The following CCDC102B variants were observed in gnomAD, a reference collection of about 807,000 sequenced individuals.
CCDC102B encodes coiled-coil domain-containing protein 102B.
CCDC102B carries 75 observed loss-of-function variants against 57.4 expected under a neutral mutation model. The observed-to-expected ratio is 1.31, with a 90% CI of 1.08 to 1.58. The LOEUF (loss-of-function observed/expected upper bound fraction) is 1.58, where lower values mean the gene tolerates loss of function less well. CCDC102B is among the 40% of genes most tolerant of loss of function. The pLI is 0.00. For synonymous variants in CCDC102B, 206 were observed against 201.9 expected (o/e 1.02, Z -0.17); for missense variants, 636 against 582.6 (o/e 1.09, Z -0.94).
At chr18:68,765,719 G>T (rs1305581430) in intron 2 of CCDC102B, among the ~76,000 whole-genome samples, 1 of 152,150 alleles carries the variant, frequency 6.6e-6, no homozygotes, top group Non-Finnish European at 1.5e-5. Context: ...GGTGATTTGT[G>T]TACAGGGTTA....
chr18:68,834,421 A>G (rs905486277), intron 1 of CCDC102B, among the ~76,000 whole-genome samples: 2 of 104,742 alleles, frequency 1.9e-5, no homozygotes, highest in Non-Finnish European at 1.9e-5. Flanking sequence ...ATGTAGTTGT[A>G]TATGTAAATA....
chr18:68,897,359 T>C lies in CCDC102B; in HGVS notation c.1194T>C (p.Asn398=). The C allele has an allele frequency of 1.9e-6, 3 of 1,612,854 alleles. No individual in the cohort carries two copies. The highest frequency in any genetic ancestry group is 2.5e-6 in the Non-Finnish European group (3 of 1,179,244). Reference sequence around the variant, plus strand: ...TGGAAGAGCTTTTGGATAAGAAAAATAGATTAAGTGCAAACTCTCAAAGTC... The same window carrying C: ...TGGAAGAGCTTTTGGATAAGAAAAACAGATTAAGTGCAAACTCTCAAAGTC... ...KEMEELLDKK[N]RLSANSQSPD... is the part of the protein sequence containing the mutation. Residue 398 remains asparagine, a synonymous_variant, in exon 6 of 8, where the codon AAT becomes AAC. Coordinates refer to ENST00000360242, the MANE Select transcript of CCDC102B (RefSeq NM_024781.3).
At chr18:68,997,552 A>G (rs2051064264) in intron 6 of CCDC102B, among the ~76,000 whole-genome samples, 1 of 152,184 alleles carries the variant, frequency 6.6e-6, no homozygotes. Flanking sequence ...CATGTCAAGT[A>G]GACAGCTTGA....
chr18:68,777,504 G>T (rs2034862200), intron 2 of CCDC102B, among the ~76,000 whole-genome samples: 1 of 152,044 alleles, frequency 6.6e-6, no homozygotes, highest in South Asian at 2.1e-4. Context: ...ACTTCATGTT[G>T]GGCCTAATAA....
chr18:68,973,316 A>G (rs550799315), intron 6 of CCDC102B, among the ~76,000 whole-genome samples: 2 of 152,284 alleles, frequency 1.3e-5, no homozygotes, highest in African/African-American at 4.8e-5. Context: ...AGAATCAAAT[A>G]TGATTCAGGG....
intron 7 of CCDC102B, among the ~76,000 whole-genome samples, chr18:69,035,327 C>T (rs917846682): frequency 2.0e-5 from 3 of 151,874 alleles, no homozygotes; most frequent in Non-Finnish European, 4.4e-5. Flanking sequence ...GTAAGCAGTT[C>T]CATGAAAATG....
At chr18:68,833,860 A>C (rs185829743) in intron 1 of CCDC102B, among the ~76,000 whole-genome samples, 1 of 152,142 alleles carries the variant, frequency 6.6e-6, no homozygotes, top group Non-Finnish European at 1.5e-5. Context: ...TTGTATGAGC[A>C]TTTTTACAAT....
At chr18:68,989,471 T>G (rs2050807429) in intron 6 of CCDC102B, among the ~76,000 whole-genome samples, 1 of 152,232 alleles carries the variant, frequency 6.6e-6, no homozygotes, top group African/African-American at 2.4e-5. Context: ...GAACAAGTTA[T>G]TTTTCTTTCA....
At chr18:68,945,869 C>T (rs565195073) in intron 6 of CCDC102B, among the ~76,000 whole-genome samples, 2 of 152,062 alleles carry the variant, frequency 1.3e-5, no homozygotes, top group Non-Finnish European at 2.9e-5. Flanking sequence ...GTTGACCTTG[C>T]ACACTACTGG....
At chr18:68,722,895 CA>C (rs2032414268) in intron 2 of CCDC102B, among the ~76,000 whole-genome samples, 1 of 146,952 alleles carries the variant, frequency 6.8e-6, no homozygotes, top group South Asian at 2.2e-4. Flanking sequence ...TTTCTTTTTG[CA>C]ACCTTTTTTT....
At chr18:68,722,899 CTTT>C (rs370512490) in intron 2 of CCDC102B, among the ~76,000 whole-genome samples, 16 of 131,778 alleles carry the variant, frequency 1.2e-4, no homozygotes, top group Admixed American at 2.3e-4. Context: ...TTTTTGCAAC[CTTT>C]TTTTTTTTTT....
intron 6 of CCDC102B, among the ~76,000 whole-genome samples, chr18:68,912,491 G>A (rs2040910159): frequency 6.6e-6 from 1 of 152,150 alleles, no homozygotes; most frequent in African/African-American, 2.4e-5. Context: ...TGTGGGGCCT[G>A]GAAATCTGTT....
intron 2 of CCDC102B, among the ~76,000 whole-genome samples, chr18:68,751,898 C>A (rs1051704041): frequency 6.6e-6 from 1 of 152,114 alleles, no homozygotes; most frequent in African/African-American, 2.4e-5. Context: ...AAACCCATTT[C>A]TTGATGCATA....
At chr18:68,882,055 A>C (rs1422436835) in intron 5 of CCDC102B, among the ~76,000 whole-genome samples, 2 of 152,242 alleles carry the variant, frequency 1.3e-5, no homozygotes, top group Non-Finnish European at 2.9e-5. Flanking sequence ...TATGTTAAAA[A>C]TATTTTAACT....
At chr18:69,018,696 G>GA (rs2051740299) in intron 7 of CCDC102B, among the ~76,000 whole-genome samples, 7 of 151,946 alleles carry the variant, frequency 4.6e-5, no homozygotes, top group Admixed American at 4.6e-4. Context: ...TATATGGCTT[G>GA]AAAAATGTTT....
At chr18:68,807,749 A>G (rs2036084845) in intron 1 of CCDC102B, among the ~76,000 whole-genome samples, 1 of 152,170 alleles carries the variant, frequency 6.6e-6, no homozygotes, top group Admixed American at 6.5e-5. Flanking sequence ...AACAAATGAA[A>G]ACGGATCCCA....
At chr18:69,019,985 ATTCTGTTAATGTGGTATAT>A (rs2051783495) in intron 7 of CCDC102B, among the ~76,000 whole-genome samples, 1 of 151,904 alleles carries the variant, frequency 6.6e-6, no homozygotes, top group African/African-American at 2.4e-5. Flanking sequence ...TTTCCCTTTC[ATTCTGTTAATGTGGTATAT>A]CACATGAATT....
intron 1 of CCDC102B, among the ~76,000 whole-genome samples, chr18:68,834,454 T>TATATATATATATA (rs1568275774): frequency 3.4e-5 from 5 of 146,858 alleles, no homozygotes; most frequent in Admixed American, 6.9e-5. Flanking sequence ...TATATATATA[T>TATATATATATATA]TTGCTGTGTT....
chr18:69,051,762 A>G (rs1305250719), intron 7 of CCDC102B, among the ~76,000 whole-genome samples: 4 of 152,050 alleles, frequency 2.6e-5, no homozygotes, highest in East Asian at 3.9e-4. Flanking sequence ...GACAGATTTG[A>G]TATGTCAGAT....
Sources: allele counts gnomAD v4.1 joint callset (sites outside exome capture counted in the v4.1 genomes callset), GRCh38; gene constraint gnomAD v4.1.1; transcripts MANE v1.5; gene names NCBI Gene and HGNC (gene_info 2026-07-23, HGNC 2026-07-21).